KSR2: variants seen among roughly 807,000 people sequenced by gnomAD.
KSR2 encodes kinase suppressor of ras 2.
In KSR2, 25 loss-of-function variants were observed where a neutral mutation model predicts 107.8. That is an observed-to-expected ratio of 0.23 (90% CI 0.17 to 0.32). The LOEUF (loss-of-function observed/expected upper bound fraction) is 0.32, where lower values mean the gene tolerates loss of function less well. Among genes scored for constraint, KSR2 ranks in the 10% least tolerant of loss-of-function variants. KSR2 has a pLI of 1.00. For missense variants in KSR2, 887 were observed against 1,268.9 expected, an observed-to-expected ratio of 0.70 and a Z score of 4.57; for synonymous variants, 480 against 507.0, an observed-to-expected ratio of 0.95 and a Z score of 0.71.
chr12:117,530,010 G>A (rs1311972171), intron 12 of KSR2, among the ~76,000 whole-genome samples: 1 of 152,102 alleles, frequency 6.6e-6, no homozygotes, highest in East Asian at 1.9e-4. Context: ...GACAGAGTGA[G>A]ACTCTGTCTC....
intron 7 of KSR2, among the ~76,000 whole-genome samples, chr12:117,559,507 T>G (rs1877959114): frequency 6.6e-6 from 1 of 152,134 alleles, no homozygotes; most frequent in African/African-American, 2.4e-5. Context: ...TGGAAAAACT[T>G]GGATTAACTG....
intron 10 of KSR2, 110 bp downstream of exon 10, chr12:117,539,609 G>A (rs555068627): frequency 1.3e-5 from 14 of 1,079,740 alleles, no homozygotes; most frequent in African/African-American, 4.9e-5. Context: ...TGACCCATTC[G>A]CTTTCCTGCA....
chr12:117,608,253 T>C (rs866046804), intron 5 of KSR2, among the ~76,000 whole-genome samples: 51 of 152,240 alleles, frequency 3.3e-4, no homozygotes, highest in Non-Finnish European at 1.5e-4. Flanking sequence ...CACGGGTTCC[T>C]TGAAGACATG....
intron 4 of KSR2, among the ~76,000 whole-genome samples, chr12:117,747,010 G>A (rs866990747): frequency 6.6e-6 from 1 of 152,150 alleles, no homozygotes; most frequent in South Asian, 2.1e-4. Flanking sequence ...CAACCATTGT[G>A]AAAGACAGTA....
chr12:117,858,123 T>C (rs926372037), intron 2 of KSR2, among the ~76,000 whole-genome samples: 3 of 152,170 alleles, frequency 2.0e-5, no homozygotes, highest in African/African-American at 7.2e-5. Flanking sequence ...TTTTTAAGTA[T>C]TGGCTCAAAA....
chr12:117,537,327 C>G (rs1876123882), intron 10 of KSR2, among the ~76,000 whole-genome samples: 2 of 152,162 alleles, frequency 1.3e-5, no homozygotes, highest in South Asian at 4.1e-4. Flanking sequence ...ATCTTTCATT[C>G]TACAATTCTG....
intron 1 of KSR2, among the ~76,000 whole-genome samples, chr12:117,920,647 A>G (rs184018386): frequency 2.6e-5 from 4 of 152,292 alleles, no homozygotes; most frequent in African/African-American, 9.6e-5. Flanking sequence ...TTTTTTAGAT[A>G]CAGAAATTGT....
intron 4 of KSR2, among the ~76,000 whole-genome samples, chr12:117,719,903 C>G (rs374493681): frequency 6.6e-6 from 1 of 152,108 alleles, no homozygotes; most frequent in Admixed American, 6.5e-5. Context: ...GTGTTGGGGG[C>G]GAAGGGCAAT....
At chr12:117,546,755 C>A (rs537453685) in intron 9 of KSR2, among the ~76,000 whole-genome samples, 3 of 152,268 alleles carry the variant, frequency 2.0e-5, no homozygotes, top group South Asian at 4.1e-4. Flanking sequence ...GTTATTGAGT[C>A]CATCCACTGA....
chr12:117,774,004 C>CT (rs1196931729), intron 3 of KSR2, among the ~76,000 whole-genome samples: 1 of 152,226 alleles, frequency 6.6e-6, no homozygotes, highest in Non-Finnish European at 1.5e-5. Context: ...ATTTGAAAGA[C>CT]TGAGTTGCCC....
At chr12:117,596,345 G>A (rs1407725874) in intron 5 of KSR2, among the ~76,000 whole-genome samples, 1 of 152,036 alleles carries the variant, frequency 6.6e-6, no homozygotes, top group Non-Finnish European at 1.5e-5. Context: ...CTCTCCCCGG[G>A]TCCCTCCCAT....
At chr12:117,695,166 T>C (rs1276954789) in intron 4 of KSR2, among the ~76,000 whole-genome samples, 5 of 152,030 alleles carry the variant, frequency 3.3e-5, no homozygotes, top group Non-Finnish European at 5.9e-5. Flanking sequence ...TCTACTTCTA[T>C]GAGGTACCTA....
chr12:117,528,707 G>A (rs1219839862), intron 12 of KSR2, among the ~76,000 whole-genome samples: 1 of 152,212 alleles, frequency 6.6e-6, no homozygotes, highest in African/African-American at 2.4e-5. Context: ...TTGATGCCCT[G>A]GGGGAGACTT....
chr12:117,871,125 T>C (rs1275607516), intron 1 of KSR2, among the ~76,000 whole-genome samples: 2 of 152,176 alleles, frequency 1.3e-5, no homozygotes, highest in Non-Finnish European at 2.9e-5. Flanking sequence ...CTTCTTTAAT[T>C]TTCCACAACG....
At chr12:117,587,413 G>T (rs11068555) in intron 5 of KSR2, among the ~76,000 whole-genome samples, 1 of 151,962 alleles carries the variant, frequency 6.6e-6, no homozygotes, top group Admixed American at 6.6e-5. Flanking sequence ...GAAGGAGGAG[G>T]GGGGACAGCA....
intron 1 of KSR2, among the ~76,000 whole-genome samples, chr12:117,936,165 A>G (rs528356147): frequency 6.6e-6 from 1 of 151,992 alleles, no homozygotes; most frequent in East Asian, 1.9e-4. Flanking sequence ...CCTCCTGAGT[A>G]GTTGGGACCA....
intron 5 of KSR2, among the ~76,000 whole-genome samples, chr12:117,630,919 C>T (rs1882774950): frequency 6.6e-6 from 1 of 152,112 alleles, no homozygotes. Flanking sequence ...TATAGATTCT[C>T]CAAAGACCTG....
At chr12:117,476,212 A>G (rs1871765578) in intron 17 of KSR2, among the ~76,000 whole-genome samples, 1 of 152,250 alleles carries the variant, frequency 6.6e-6, no homozygotes, top group Non-Finnish European at 1.5e-5. Flanking sequence ...GCCAACAAAT[A>G]GCTATTGAAT....
chr12:117,944,805 G>T (rs1375432570), intron 1 of KSR2, among the ~76,000 whole-genome samples: 1 of 150,788 alleles, frequency 6.6e-6, no homozygotes, highest in Admixed American at 6.6e-5. Context: ...ATGCAGTGAG[G>T]TATGATCTCG....
Sources: allele counts gnomAD v4.1 joint callset (sites outside exome capture counted in the v4.1 genomes callset), GRCh38; gene constraint gnomAD v4.1.1; transcripts MANE v1.5; gene names NCBI Gene and HGNC (gene_info 2026-07-23, HGNC 2026-07-21).